GSDMC: variants seen among roughly 807,000 people sequenced by gnomAD.
The protein encoded by GSDMC is gasdermin C, also known as gasdermin-C.
A neutral mutation model predicts 58.0 loss-of-function variants in GSDMC; 59 were observed. That is an observed-to-expected ratio of 1.02 (90% CI 0.82 to 1.26). GSDMC has a LOEUF of 1.26. GSDMC is among the 50% of genes most tolerant of loss of function. GSDMC has a pLI of 0.00. For missense variants in GSDMC, 659 were observed against 598.5 expected (o/e 1.10, Z -1.06); for synonymous variants, 241 against 220.2 (o/e 1.09, Z -0.83).
chr8:129,772,910 C>T (rs797007052), intron 3 of GSDMC, among the ~76,000 whole-genome samples: 10 of 152,250 alleles, frequency 6.6e-5, no homozygotes, highest in African/African-American at 2.4e-4. Flanking sequence ...TTAAAAGGAA[C>T]ATACACCACA....
At chr8:129,719,406 G>C in the GSDMC span, among the ~76,000 whole-genome samples, 5 of 152,172 alleles carry the variant, frequency 3.3e-5, no homozygotes, top group African/African-American at 1.2e-4. Flanking sequence ...AAGAGACGTA[G>C]AAAAATTTAC....
chr8:129,754,608 C>T (rs760292490), intron 6 of GSDMC, among the ~76,000 whole-genome samples: 23 of 152,008 alleles, frequency 1.5e-4, no homozygotes, highest in East Asian at 3.9e-4. Context: ...CACCAATGAA[C>T]GAAACAAGGC....
chr8:129,721,745 G>A, the GSDMC span, among the ~76,000 whole-genome samples: 1 of 152,152 alleles, frequency 6.6e-6, no homozygotes, highest in African/African-American at 2.4e-5. Flanking sequence ...TTTTTCTTAT[G>A]TAATAGCAAA....
intron 12 of GSDMC, 122 bp from the exon 13 acceptor site, chr8:129,749,647 T>A: frequency 1.3e-6 from 1 of 758,722 alleles, no homozygotes; most frequent in Non-Finnish European, 2.3e-6. Context: ...CCCATTAGAC[T>A]TGAAGGTCAA....
At chr8:129,778,121 A>C (rs1042608618) in intron 1 of GSDMC, among the ~76,000 whole-genome samples, 5 of 152,216 alleles carry the variant, frequency 3.3e-5, no homozygotes, top group Non-Finnish European at 7.3e-5. Flanking sequence ...TGGTGTTTGC[A>C]GTTTTACAGT....
chr8:129,748,452 G>T lies in GSDMC; in HGVS notation c.*49C>A. Reference sequence around the variant, plus strand: ...CACCCATAAGGACACTCACAGCATAGACTGGGCGAGGGCCAGCATCTCTGG... The same window carrying T: ...CACCCATAAGGACACTCACAGCATATACTGGGCGAGGGCCAGCATCTCTGG... On this transcript the variant is annotated 3_prime_UTR_variant, in exon 14 of 14. Transcript: ENST00000276708. The T allele has an allele frequency of 1.3e-6, 2 of 1,548,870 alleles. No homozygotes were observed. The highest frequency in any genetic ancestry group is 2.6e-5 in the South Asian group (2 of 78,254).
chr8:129,727,408 C>A, the GSDMC span, among the ~76,000 whole-genome samples: 3 of 152,084 alleles, frequency 2.0e-5, no homozygotes, highest in Admixed American at 6.5e-5. Context: ...GGGAGGAGAA[C>A]GCCGGCAAAC....
At chr8:129,724,464 AG>A in the GSDMC span, among the ~76,000 whole-genome samples, 1 of 152,098 alleles carries the variant, frequency 6.6e-6, no homozygotes, top group Non-Finnish European at 1.5e-5. Flanking sequence ...TGTTTGCAAT[AG>A]ATAATACAAT....
chr8:129,776,530 AT>A (rs2034231740), intron 2 of GSDMC, among the ~76,000 whole-genome samples: 1 of 152,194 alleles, frequency 6.6e-6, no homozygotes, highest in Admixed American at 6.5e-5. Context: ...ACCCTGAGAA[AT>A]AGTGGTGTCA....
chr8:129,739,129 AGTGGGTGGCAAGCCAT>A, the GSDMC span, among the ~76,000 whole-genome samples: 5 of 152,304 alleles, frequency 3.3e-5, no homozygotes, highest in Admixed American at 3.3e-4. Context: ...ACCTGAAGGA[AGTGGGTGGCAAGCCAT>A]GTGCACGTTC....
At chr8:129,761,357 C>T (rs2033653596) in intron 5 of GSDMC, among the ~76,000 whole-genome samples, 1 of 152,166 alleles carries the variant, frequency 6.6e-6, no homozygotes, top group Non-Finnish European at 1.5e-5. Flanking sequence ...ATCACCTCCT[C>T]CCACCTGTTG....
At chr8:129,708,409 G>T in the GSDMC span, among the ~76,000 whole-genome samples, 1 of 152,240 alleles carries the variant, frequency 6.6e-6, no homozygotes, top group African/African-American at 2.4e-5. Flanking sequence ...GGCAAATGCG[G>T]CTCTGTCTCC....
the GSDMC span, among the ~76,000 whole-genome samples, chr8:129,725,442 T>C: frequency 6.6e-6 from 1 of 152,206 alleles, no homozygotes; most frequent in Non-Finnish European, 1.5e-5. Flanking sequence ...AAGTGGCATG[T>C]GGCCTGGCAT....
intron 1 of GSDMC, among the ~76,000 whole-genome samples, chr8:129,785,271 G>A (rs909769638): frequency 6.6e-6 from 1 of 151,960 alleles, no homozygotes; most frequent in African/African-American, 2.4e-5. Context: ...GTCATTAAGT[G>A]AAATAAGCCA....
At chr8:129,785,669 GA>G (rs2130603879) in intron 1 of GSDMC, among the ~76,000 whole-genome samples, 1 of 152,164 alleles carries the variant, frequency 6.6e-6, no homozygotes, top group Non-Finnish European at 1.5e-5. Context: ...GTTCAATAAT[GA>G]AGAGAGACAG....
At chr8:129,764,562 G>A (rs770608627) in intron 4 of GSDMC, among the ~76,000 whole-genome samples, 18 of 152,108 alleles carry the variant, frequency 1.2e-4, no homozygotes, top group Non-Finnish European at 2.2e-4. Flanking sequence ...GAACCCACAG[G>A]GAATAAGTTT....
the GSDMC span, among the ~76,000 whole-genome samples, chr8:129,736,792 C>A: frequency 6.6e-6 from 1 of 151,320 alleles, no homozygotes; most frequent in South Asian, 2.1e-4. Flanking sequence ...CTGGCCAGGG[C>A]AATCAGGCAA....
intron 3 of GSDMC, 63 bp downstream of exon 3, chr8:129,776,039 T>G: frequency 1.6e-6 from 2 of 1,248,260 alleles, no homozygotes; most frequent in East Asian, 2.4e-5. Flanking sequence ...TGTATTTTTG[T>G]GTTCAAGGAA....
chr8:129,769,596 C>A (rs538845159), intron 3 of GSDMC, among the ~76,000 whole-genome samples: 2 of 152,236 alleles, frequency 1.3e-5, no homozygotes, highest in East Asian at 1.9e-4. Context: ...GAACTTCACC[C>A]TTTTGTCAAG....
Sources: allele counts gnomAD v4.1 joint callset (sites outside exome capture counted in the v4.1 genomes callset), GRCh38; gene constraint gnomAD v4.1.1; transcripts MANE v1.5; gene names NCBI Gene and HGNC (gene_info 2026-07-23, HGNC 2026-07-21).